Variants in VRK2 observed in about 807,000 individuals in gnomAD.
VRK2 encodes the protein VRK serine/threonine kinase 2.
VRK2 carries 60 observed loss-of-function variants against 57.6 expected under a neutral mutation model. The observed-to-expected ratio is 1.04, with a 90% CI of 0.85 to 1.29. The LOEUF (loss-of-function observed/expected upper bound fraction) is 1.29. VRK2 is among the 50% of genes most tolerant of loss of function. The pLI is 0.00. For synonymous variants in VRK2, 231 were observed against 199.2 expected, an observed-to-expected ratio of 1.16 and a Z score of -1.35; for missense variants, 705 against 588.1, an observed-to-expected ratio of 1.20 and a Z score of -2.06.
intron 3 of VRK2, chr2:58,040,959 G>C (rs1674430933): frequency 1.2e-6 from 1 of 829,220 alleles, no homozygotes; most frequent in Non-Finnish European, 1.5e-6. Context: ...TCCTCTGAAG[G>C]TGTCAACTCT....
At chr2:57,967,368 TATAATAATA>T (rs750621854) in intron 1 of VRK2, among the ~76,000 whole-genome samples, 42 of 151,274 alleles carry the variant, frequency 2.8e-4, no homozygotes, top group Non-Finnish European at 5.2e-4. Context: ...GAACTTAAAG[TATAATAATA>T]ATAATAATAA....
At chr2:58,007,778 G>A (rs557780482) in intron 1 of VRK2, among the ~76,000 whole-genome samples, 1 of 152,144 alleles carries the variant, frequency 6.6e-6, no homozygotes, top group East Asian at 1.9e-4. Context: ...TCAACTGTAT[G>A]CCTATATTAA....
At chr2:58,043,522 T>C (rs1674547723), upstream of VRK2, among the ~76,000 whole-genome samples, 1 of 152,174 alleles carries the variant, frequency 6.6e-6, no homozygotes, top group South Asian at 2.1e-4. Context: ...TTCTTTTACA[T>C]AGCATTGTGT....
chr2:58,102,763 C>T (rs572839974), intron 7 of VRK2, among the ~76,000 whole-genome samples: 1 of 151,542 alleles, frequency 6.6e-6, no homozygotes, highest in Non-Finnish European at 1.5e-5. Context: ...AACAGATATT[C>T]CAAGAGCTGC....
chr2:58,016,659 T>C (rs1395289054), intron 1 of VRK2, among the ~76,000 whole-genome samples: 1 of 152,224 alleles, frequency 6.6e-6, no homozygotes, highest in Non-Finnish European at 1.5e-5. Flanking sequence ...CACCTGGCCA[T>C]GTTTTAGTTT....
chr2:58,057,274 C>T (rs962690052), intron 2 of VRK2, among the ~76,000 whole-genome samples: 5 of 152,080 alleles, frequency 3.3e-5, no homozygotes, highest in African/African-American at 4.8e-5. Flanking sequence ...ATGTGACCTG[C>T]GTGTAAGGCA....
intron 1 of VRK2, among the ~76,000 whole-genome samples, chr2:57,991,006 A>T (rs1363680933): frequency 6.6e-6 from 1 of 152,168 alleles, no homozygotes; most frequent in Non-Finnish European, 1.5e-5. Flanking sequence ...AAAAAGACAT[A>T]CTTGAATATT....
At chr2:58,050,441 A>T (rs1479137850) in intron 2 of VRK2, among the ~76,000 whole-genome samples, 1 of 152,204 alleles carries the variant, frequency 6.6e-6, no homozygotes, top group Non-Finnish European at 1.5e-5. Context: ...GCAAAGAGTT[A>T]AGATCTCTAG....
intron 1 of VRK2, among the ~76,000 whole-genome samples, chr2:58,020,828 A>C (rs1401030431): frequency 6.6e-6 from 1 of 152,208 alleles, no homozygotes; most frequent in Non-Finnish European, 1.5e-5. Flanking sequence ...CCATTGGTCC[A>C]GTATAAAACA....
chr2:58,101,950 A>G (rs544807032), intron 7 of VRK2, among the ~76,000 whole-genome samples: 1 of 151,764 alleles, frequency 6.6e-6, no homozygotes, highest in African/African-American at 2.4e-5. Context: ...GCATAAATGA[A>G]TTTGTTAATC....
intron 1 of VRK2, among the ~76,000 whole-genome samples, chr2:57,945,850 C>T (rs1284106488): frequency 6.6e-6 from 1 of 152,058 alleles, no homozygotes. Flanking sequence ...ATGTAGAGAA[C>T]ATAGAAAACT....
intron 1 of VRK2, among the ~76,000 whole-genome samples, chr2:57,911,630 G>C (rs1005434387): frequency 3.9e-5 from 6 of 152,144 alleles, no homozygotes; most frequent in African/African-American, 1.4e-4. Flanking sequence ...ACATATAAAA[G>C]AACTAGATAA....
At chr2:57,986,171 C>A (rs989883223) in intron 1 of VRK2, among the ~76,000 whole-genome samples, 3 of 151,568 alleles carry the variant, frequency 2.0e-5, no homozygotes, top group Non-Finnish European at 4.4e-5. Flanking sequence ...TTCAAGAAAG[C>A]AGAAGAATAG....
intron 1 of VRK2, chr2:58,047,489 C>T (rs975056196): frequency 2.0e-6 from 2 of 985,058 alleles, no homozygotes; most frequent in Admixed American, 1.2e-4. Flanking sequence ...CGTAGAGTCT[C>T]CCTTACCGCC....
intron 2 of VRK2, among the ~76,000 whole-genome samples, chr2:58,074,931 A>G (rs530581943): frequency 6.6e-6 from 1 of 152,178 alleles, no homozygotes; most frequent in Admixed American, 6.6e-5. Context: ...CAAGTGGTAC[A>G]TGGCAGGTTT....
chr2:58,133,948 A>T (rs1211127785), intron 9 of VRK2, among the ~76,000 whole-genome samples: 1 of 152,180 alleles, frequency 6.6e-6, no homozygotes, highest in East Asian at 1.9e-4. Flanking sequence ...GAGTTAAAGC[A>T]TTTATATTAT....
Position 58,123,163 on chromosome 2 carries a change from T to G in VRK2, c.606T>G (p.Tyr202Ter), listed in dbSNP as rs1269722901. Reference sequence around the variant, plus strand: ...GTCCCAATGGGAACCACAAACAGTATCAGGAAAATCCTAGAAAAGGCCATA... The same window carrying G: ...GTCCCAATGGGAACCACAAACAGTAGCAGGAAAATCCTAGAAAAGGCCATA... ...RYCPNGNHKQ[Y>*]QENPRKGHNG... The change falls in exon 8 of 13, where the codon TAT becomes TAG. Residue 202 changes from tyrosine (Y) to a stop codon, truncating the protein, a stop_gained. Transcript: ENST00000340157. LOFTEE classifies it high-confidence loss of function. The G allele has an allele frequency of 6.3e-7, 1 of 1,596,306 alleles. No individual in the cohort carries two copies. The highest frequency in any genetic ancestry group is 8.5e-7 in the Non-Finnish European group (1 of 1,175,112).
intron 7 of VRK2, among the ~76,000 whole-genome samples, chr2:58,110,953 G>C (rs775600255): frequency 6.6e-6 from 1 of 152,036 alleles, no homozygotes; most frequent in African/African-American, 2.4e-5. Flanking sequence ...TGGTGCACAC[G>C]CTGTGGTAGG....
At chr2:58,038,648 A>G (rs1347636948) in intron 3 of VRK2, among the ~76,000 whole-genome samples, 1 of 152,050 alleles carries the variant, frequency 6.6e-6, no homozygotes, top group East Asian at 1.9e-4. Context: ...AGGAGCCCTC[A>G]TTTCTTTTGT....
Sources: gnomAD v4.1 joint callset for allele counts (sites outside exome capture counted in the v4.1 genomes callset) on GRCh38, gnomAD v4.1.1 for gene constraint, MANE v1.5 for transcripts, NCBI Gene and HGNC (gene_info 2026-07-23, HGNC 2026-07-21) for gene names.